EYS: variants seen among roughly 807,000 people sequenced by gnomAD.
EYS encodes EGF-like photoreceptor maintenance factor.
A neutral mutation model predicts 282.1 loss-of-function variants in EYS; 250 were observed. That is an observed-to-expected ratio of 0.89 (90% CI 0.80 to 0.98). The LOEUF is 0.98. EYS is among the 50% of genes least tolerant of loss of function. EYS has a pLI of 0.00. For missense variants in EYS, 4,016 were observed against 3,709.0 expected (o/e 1.08, Z -2.15); for synonymous variants, 1,355 against 1,282.9 (o/e 1.06, Z -1.20).
At chr6:64,453,913 C>T (rs964045316) in intron 26 of EYS, among the ~76,000 whole-genome samples, 10 of 151,816 alleles carry the variant, frequency 6.6e-5, no homozygotes, top group Non-Finnish European at 1.3e-4. Flanking sequence ...TGCTAAATGA[C>T]GAGTTAATGT....
intron 26 of EYS, among the ~76,000 whole-genome samples, chr6:64,450,307 A>G (rs1423795574): frequency 6.6e-6 from 1 of 152,152 alleles, no homozygotes; most frequent in African/African-American, 2.4e-5. Context: ...AGAAGAACTA[A>G]CTATCCTAAA....
Position 64,590,570 on chromosome 6 carries a change from T to C in EYS, c.5297A>G (p.His1766Arg). ...CAGATTATTTTTGAAGTCATTTGCA[T>C]GTGTAATTTCTGAATATGTCTTTAA... ...VTLKTYSEIT[H>R]ANDFKNNLPP... The change falls in exon 26 of 43, where the codon CAT (histidine) becomes CGT (arginine). Residue 1766 changes from histidine (H) to arginine (R), a missense_variant. His to Arg is a conservative substitution (Grantham distance 29). Coordinates refer to ENST00000503581, the MANE Select transcript of EYS (RefSeq NM_001142800.2). The C allele has an allele frequency of 1.3e-6, 2 of 1,551,360 alleles. No individual in the cohort carries two copies. Among genetic ancestry groups the C allele is most frequent in the South Asian group, 1.2e-5 (1 of 84,062 alleles).
At chr6:63,920,673 GTAAGGGGAGTACTT>G (rs556458421) in intron 35 of EYS, among the ~76,000 whole-genome samples, 1 of 152,288 alleles carries the variant, frequency 6.6e-6, no homozygotes, top group East Asian at 1.9e-4. Flanking sequence ...CCTGACTGCT[GTAAGGGGAGTACTT>G]TCCAAAAAAA....
chr6:65,448,736 A>G (rs149291644), intron 5 of EYS, among the ~76,000 whole-genome samples: 53 of 152,102 alleles, frequency 3.5e-4, no homozygotes, highest in Admixed American at 2.0e-3. Context: ...ATTTTTTTCT[A>G]TCTTTTTAAC....
At chr6:65,132,358 C>T (rs1483310687) in intron 12 of EYS, among the ~76,000 whole-genome samples, 1 of 151,946 alleles carries the variant, frequency 6.6e-6, no homozygotes, top group Non-Finnish European at 1.5e-5. Flanking sequence ...AAAAGATAAT[C>T]CATCATAATC....
intron 12 of EYS, among the ~76,000 whole-genome samples, chr6:65,293,645 T>C (rs1768586631): frequency 6.6e-6 from 1 of 151,860 alleles, no homozygotes. Context: ...ACAGTTTTCT[T>C]AAAGTGGTTC....
At chr6:64,118,940 G>GA (rs1562210266) in intron 31 of EYS, among the ~76,000 whole-genome samples, 1 of 151,980 alleles carries the variant, frequency 6.6e-6, no homozygotes, top group African/African-American at 2.4e-5. Flanking sequence ...ACATGTATCT[G>GA]AAAAAATGTT....
intron 28 of EYS, among the ~76,000 whole-genome samples, chr6:64,421,240 G>A (rs947029056): frequency 6.6e-6 from 1 of 152,038 alleles, no homozygotes; most frequent in Non-Finnish European, 1.5e-5. Flanking sequence ...CGAGAGCAGT[G>A]CAAAAGGGGA....
chr6:63,830,240 G>A (rs1039096356), intron 36 of EYS, among the ~76,000 whole-genome samples: 12 of 152,314 alleles, frequency 7.9e-5, no homozygotes, highest in African/African-American at 2.6e-4. Context: ...AGAGAAGAAG[G>A]CTTCAGACGA....
intron 19 of EYS, among the ~76,000 whole-genome samples, chr6:64,875,343 T>C (rs756800779): frequency 2.2e-4 from 33 of 152,096 alleles, no homozygotes; most frequent in Non-Finnish European, 4.3e-4. Context: ...TTGGGAATTA[T>C]TGAGCTTTTG....
intron 26 of EYS, among the ~76,000 whole-genome samples, chr6:64,573,824 G>A (rs775917351): frequency 3.9e-5 from 6 of 152,156 alleles, no homozygotes; most frequent in Admixed American, 1.3e-4. Flanking sequence ...TTACACTGTT[G>A]GTGGGCGTGT....
At chr6:65,433,013 T>G (rs978091516) in intron 5 of EYS, among the ~76,000 whole-genome samples, 1 of 152,292 alleles carries the variant, frequency 6.6e-6, no homozygotes, top group Admixed American at 6.5e-5. Context: ...TATCACGTGT[T>G]TGTTTTGTGC....
At chr6:63,990,697 G>A (rs1030942483) in intron 34 of EYS, among the ~76,000 whole-genome samples, 2 of 151,670 alleles carry the variant, frequency 1.3e-5, no homozygotes, top group African/African-American at 4.8e-5. Flanking sequence ...AAGAATGAGG[G>A]CATGTGTCCA....
chr6:64,309,599 TA>T (rs1769593859), intron 29 of EYS, among the ~76,000 whole-genome samples: 1 of 146,032 alleles, frequency 6.8e-6, no homozygotes, highest in Non-Finnish European at 1.5e-5. Context: ...AACCTTCTTA[TA>T]AAAATGTGAG....
At chr6:64,636,298 C>G (rs976428072) in intron 22 of EYS, among the ~76,000 whole-genome samples, 1 of 152,102 alleles carries the variant, frequency 6.6e-6, no homozygotes, top group Admixed American at 6.5e-5. Context: ...TATCTACAAC[C>G]ATCTGATCTT....
At chr6:65,623,273 C>T (rs1212830141) in intron 2 of EYS, among the ~76,000 whole-genome samples, 9 of 152,156 alleles carry the variant, frequency 5.9e-5, no homozygotes, top group East Asian at 3.9e-4. Context: ...CAGGGGACAG[C>T]GAAGTCATCA....
At chr6:64,724,588 T>C (rs1324821829) in intron 22 of EYS, among the ~76,000 whole-genome samples, 1 of 152,236 alleles carries the variant, frequency 6.6e-6, no homozygotes, top group Non-Finnish European at 1.5e-5. Context: ...TGAAGTCAGA[T>C]TTATTTTGAA....
At chr6:64,827,699 G>C (rs566523811) in intron 19 of EYS, among the ~76,000 whole-genome samples, 7 of 151,800 alleles carry the variant, frequency 4.6e-5, no homozygotes, top group African/African-American at 1.7e-4. Flanking sequence ...AAAGTCATAA[G>C]AGCTCCAAAA....
intron 13 of EYS, among the ~76,000 whole-genome samples, chr6:65,015,783 C>G (rs1187076739): frequency 6.7e-6 from 1 of 149,116 alleles, no homozygotes; most frequent in Non-Finnish European, 1.5e-5. Flanking sequence ...ATCTGTAATC[C>G]CAGCACTTTG....
Sources: gnomAD v4.1 joint callset for allele counts (sites outside exome capture counted in the v4.1 genomes callset) on GRCh38, gnomAD v4.1.1 for gene constraint, MANE v1.5 for transcripts, NCBI Gene and HGNC (gene_info 2026-07-23, HGNC 2026-07-21) for gene names.